Variants in HK2 observed in about 807,000 individuals in gnomAD.
HK2 encodes hexokinase 2, also known as hexokinase-2.
HK2 carries 42 observed loss-of-function variants against 92.9 expected under a neutral mutation model. The observed-to-expected ratio is 0.45, with a 90% confidence interval of 0.35 to 0.58. The LOEUF (loss-of-function observed/expected upper bound fraction) is 0.58, where lower values mean the gene tolerates loss of function less well. Among genes scored for constraint, HK2 ranks in the 20% least tolerant of loss-of-function variants. HK2 has a pLI of 0.00. For synonymous variants in HK2, 422 were observed against 468.0 expected (o/e 0.90, Z 1.27); for missense variants, 978 against 1,245.1 (o/e 0.79, Z 3.23).
At position 74,891,128 on chromosome 2, in the gene HK2, T is replaced by C. The variant is rs371671230; in HGVS notation, c.*187T>C. On this transcript the variant is annotated 3_prime_UTR_variant, in exon 18 of 18. Transcript: ENST00000290573. ...GTGGCTGAGCTTGGCCCTATTAAGA[T>C]AAATAGAGTTCCAAATAAGGATTTG... is the stretch of plus-strand genomic sequence containing the variant. The C allele has an allele frequency of 1.9e-5, 12 of 628,440 alleles. 1 individual carries two copies. Among genetic ancestry groups the C allele is most frequent in the Admixed American group, 2.8e-5 (1 of 35,350 alleles). 38.9% of individuals were successfully genotyped at this position (628,440 alleles called of 1,614,324 possible).
chr2:74,882,531 G>A (rs185579760), intron 12 of HK2, among the ~76,000 whole-genome samples: 15 of 146,834 alleles, frequency 1.0e-4, no homozygotes, highest in Non-Finnish European at 1.8e-4. Flanking sequence ...GGGAGGCTGA[G>A]GCAGGAGGAT....
chr2:74,854,608 G>A (rs527358786), intron 2 of HK2, among the ~76,000 whole-genome samples, 153 bp downstream of exon 2: 1 of 152,342 alleles, frequency 6.6e-6, no homozygotes, highest in South Asian at 2.1e-4. Flanking sequence ...TGTGACGGAT[G>A]GACAGGAAGC....
At chr2:74,885,882 AC>A (rs1558805568) in intron 13 of HK2, among the ~76,000 whole-genome samples, 107 of 150,870 alleles carry the variant, frequency 7.1e-4, no homozygotes, top group African/African-American at 2.5e-3. Context: ...ACACACACAC[AC>A]ACAGTAAAGG....
At chr2:74,849,809 A>C (rs966349792) in intron 1 of HK2, among the ~76,000 whole-genome samples, 1 of 152,168 alleles carries the variant, frequency 6.6e-6, no homozygotes, top group Non-Finnish European at 1.5e-5. Flanking sequence ...TGGGGTTCAG[A>C]TGAAGAGTCC....
chr2:74,888,197 T>C (rs1689587415), intron 16 of HK2, 139 bp downstream of exon 16: 2 of 879,066 alleles, frequency 2.3e-6, no homozygotes, highest in Non-Finnish European at 3.6e-6. Context: ...GTCTATAGTG[T>C]TTACTAAAAG....
At chr2:74,844,336 C>A (rs1265692651) in intron 1 of HK2, among the ~76,000 whole-genome samples, 1 of 152,162 alleles carries the variant, frequency 6.6e-6, no homozygotes, top group Non-Finnish European at 1.5e-5. Flanking sequence ...GCAGCATGAA[C>A]TCTTATCATT....
chr2:74,866,707 C>A (rs1688957481), intron 2 of HK2, among the ~76,000 whole-genome samples: 1 of 152,144 alleles, frequency 6.6e-6, no homozygotes, highest in Middle Eastern at 3.2e-3. Flanking sequence ...CTCTTTCCTG[C>A]TCCCCCACAG....
intron 4 of HK2, among the ~76,000 whole-genome samples, chr2:74,872,844 G>C (rs748019639): frequency 1.3e-5 from 2 of 152,166 alleles, no homozygotes; most frequent in African/African-American, 4.8e-5. Context: ...AAACATCATA[G>C]AGTGCACTTA....
At chr2:74,878,341 A>G (rs1045266672) in intron 8 of HK2, among the ~76,000 whole-genome samples, 28 of 152,168 alleles carry the variant, frequency 1.8e-4, no homozygotes, top group African/African-American at 7.2e-5. Flanking sequence ...GTGGTAAAGC[A>G]CCAAGAACAG....
chr2:74,878,434 T>TGC (rs1558801851), intron 8 of HK2, among the ~76,000 whole-genome samples: 1 of 146,378 alleles, frequency 6.8e-6, no homozygotes, highest in Admixed American at 6.7e-5. Flanking sequence ...TGTGTGTGTG[T>TGC]GTGTGCGCAC....
At chr2:74,867,079 T>C (rs1688967306) in intron 2 of HK2, among the ~76,000 whole-genome samples, 1 of 152,102 alleles carries the variant, frequency 6.6e-6, no homozygotes. Flanking sequence ...CTGAAAGCAC[T>C]GAGGAGGTAG....
At chr2:74,853,745 T>C (rs1375243784) in intron 1 of HK2, among the ~76,000 whole-genome samples, 1 of 148,074 alleles carries the variant, frequency 6.8e-6, no homozygotes, top group African/African-American at 2.4e-5. Context: ...GGCCCGATCA[T>C]GTGGGGCCCT....
rs776249441 is a variant in HK2 at position 74,872,404 on chromosome 2, G to A, written c.480G>A (p.Gln160=). 1 of 1,614,056 alleles carries A rather than the reference G, an allele frequency of 6.2e-7. No individual in the cohort carries two copies. The highest frequency in any genetic ancestry group is 1.7e-5 in the Admixed American group (1 of 60,018). ...TTACCTTCTCGTTCCCCTGCCACCA[G>A]ACTAAACTAGACGAGGTAAGATGGG... is the stretch of plus-strand genomic sequence containing the variant. ...LGFTFSFPCH[Q]TKLDESFLVS... Residue 160 remains glutamine, a synonymous_variant, in exon 4 of 18, where the codon CAG becomes CAA. Transcript: ENST00000290573.
At chr2:74,865,561 GGCTCAGAGCTGGA>G (rs1324618553) in intron 2 of HK2, among the ~76,000 whole-genome samples, 2 of 152,104 alleles carry the variant, frequency 1.3e-5, no homozygotes, top group African/African-American at 4.8e-5. Context: ...TACCAGGGAA[GGCTCAGAGCTGGA>G]GTGTCTGGAA....
chr2:74,882,022 C>T (rs1007018150), intron 11 of HK2, 98 bp from the exon 12 acceptor site: 1 of 1,457,948 alleles, frequency 6.9e-7, no homozygotes, highest in African/African-American at 1.4e-5. Flanking sequence ...TGCATTTCTT[C>T]TGGGTGGAAA....
chr2:74,865,992 A>G (rs1265123894), intron 2 of HK2, among the ~76,000 whole-genome samples: 4 of 152,162 alleles, frequency 2.6e-5, no homozygotes, highest in Admixed American at 2.6e-4. Flanking sequence ...TCAGAGGCTC[A>G]GGAACTTGCC....
At position 74,880,392 on chromosome 2, in the gene HK2, G is replaced by C. The variant is rs113525671; in HGVS notation, c.1393G>C (p.Asp465His). The change falls in exon 10 of 18, where the codon GAT becomes CAT. Residue 465 changes from aspartate (D) to histidine (H), a missense_variant. Physicochemically the swap from Asp to His is moderately conservative, Grantham distance 81. Around this residue, in one of 3 missense-constraint regions of HK2, gnomAD observed 742 missense variants for 922.5 expected, o/e 0.80. Coordinates refer to ENST00000290573, the MANE Select transcript of HK2 (RefSeq NM_000189.5). ...MVTAVAYRLA[D>H]QHRARQKTLE... ...GACAGCAGTGGCTTACCGGCTGGCC[G>C]ATCAACACCGTGCCCGCCAGAAGAC... 766 of 1,614,100 alleles carry C rather than the reference G, an allele frequency of 4.7e-4. 2 individuals are homozygous for C. The African/African-American group carries it at 5.2e-3, about 11-fold the overall frequency.
intron 3 of HK2, among the ~76,000 whole-genome samples, chr2:74,870,185 T>C (rs1173365187): frequency 6.6e-6 from 1 of 152,004 alleles, no homozygotes; most frequent in East Asian, 1.9e-4. Flanking sequence ...ATTTTTTGAA[T>C]TTTTAGTAGA....
intron 12 of HK2, among the ~76,000 whole-genome samples, chr2:74,883,179 G>T (rs1201464035): frequency 6.6e-6 from 1 of 152,184 alleles, no homozygotes; most frequent in Non-Finnish European, 1.5e-5. Flanking sequence ...CACGCTGCCG[G>T]TGTGTGGTAT....
Sources: allele counts gnomAD v4.1 joint callset (sites outside exome capture counted in the v4.1 genomes callset), GRCh38; gene constraint gnomAD v4.1.1; regional missense constraint gnomAD v4.1.1; transcripts MANE v1.5; gene names NCBI Gene and HGNC (gene_info 2026-07-23, HGNC 2026-07-21).